The following DNMT3A variants were observed in gnomAD, a reference collection of about 807,000 sequenced individuals.
DNMT3A encodes the protein DNA (cytosine-5)-methyltransferase 3A.
A neutral mutation model predicts 117.6 loss-of-function variants in DNMT3A; 267 were observed. The observed-to-expected ratio is 2.27, with a 90% CI of 2.05 to 2.51. DNMT3A has a LOEUF of 2.51. DNMT3A is among the 30% of genes most tolerant of loss of function. The probability of loss-of-function intolerance (pLI) is 0.00; values close to 1 mark genes in which losing one functional copy is unlikely to be tolerated. For synonymous variants in DNMT3A, 432 were observed against 474.8 expected (o/e 0.91, Z 1.17); for missense variants, 1,029 against 1,260.2 (o/e 0.82, Z 2.78).
chr2:25,320,354 T>C (rs925545943), intron 1 of DNMT3A, among the ~76,000 whole-genome samples: 12 of 152,196 alleles, frequency 7.9e-5, no homozygotes, highest in African/African-American at 2.9e-4. Context: ...CTGATGGCTA[T>C]TGGAAAGTGT....
Position 25,234,536 on chromosome 2 carries a change from CA to C in DNMT3A, c.2598-117del. The C allele has an allele frequency of 8.1e-7, 1 of 1,229,154 alleles. No homozygotes were observed. Among genetic ancestry groups the C allele is most frequent in the Non-Finnish European group, 1.1e-6 (1 of 903,814 alleles). The allele number at this position is 1,229,154 out of a possible 1,614,324, so 76.1% of individuals were successfully genotyped here. On this transcript the variant is annotated intron_variant, in intron 22 of 22. Transcript: ENST00000321117. This position sits in a 1 kb window ranked among gnomAD's most constrained non-coding sequence, Gnocchi z 4.5. ...CCAGCAGCCACCCGAAGTGCAGGGA[CA>C]GGGGCACTCACACCCACCAACTCCT...
rs565043571 is a variant in DNMT3A, at chr2:25,288,751, G to A, written c.178-6040C>T. Among the ~76,000 whole-genome samples the A allele has an allele frequency of 4.1e-4, 62 of 152,122 alleles. 1 individual carries two copies. Among genetic ancestry groups the A allele is most frequent in the Admixed American group, 3.8e-3 (58 of 15,280 alleles). ...CCATCCATCTCCAGAACTTTTCCAC[G>A]ATCCCAAACGGAAACTGTCTCCATT... is the stretch of plus-strand genomic sequence containing the variant. On this transcript the variant is annotated intron_variant, in intron 3 of 22. Transcript: ENST00000321117.
In DNMT3A at chr2:25,282,456, C is replaced by T. The variant is rs759826795; in HGVS notation, c.433G>A (p.Ala145Thr). 2 of 1,612,800 alleles carry T rather than the reference C, an allele frequency of 1.2e-6. No individual in the cohort carries two copies. Among genetic ancestry groups the T allele is most frequent in the Non-Finnish European group, 1.7e-6 (2 of 1,179,814 alleles). Residue 145 changes from alanine (A) to threonine (T), a missense_variant, in exon 4 of 23, where the codon GCC (alanine) becomes ACC (threonine). Ala to Thr is a moderately conservative substitution (Grantham distance 58). Coordinates refer to ENST00000321117, the MANE Select transcript of DNMT3A (RefSeq NM_022552.5). This position sits in a 1 kb window ranked among gnomAD's most constrained non-coding sequence, Gnocchi z 5.2. ...GCCTPKEGRGAPAEAGKEQKE... is the reference protein window; with the variant it reads ...GCCTPKEGRGTPAEAGKEQKE... Reference sequence around the variant, plus strand: ...GAGGACTCACCCGCTTCTGCAGGGGCTCCTCGGCCCTCCTTGGGGGTGCAG... The same window carrying T: ...GAGGACTCACCCGCTTCTGCAGGGGTTCCTCGGCCCTCCTTGGGGGTGCAG...
intron 6 of DNMT3A, among the ~76,000 whole-genome samples, chr2:25,249,390 T>C (rs1477480096): frequency 1.3e-5 from 2 of 152,182 alleles, no homozygotes; most frequent in South Asian, 4.1e-4. Flanking sequence ...CCCCAGCACA[T>C]GCTCAAACAC....
chr2:25,331,655 C>T (rs950262867), intron 1 of DNMT3A, among the ~76,000 whole-genome samples: 29 of 152,184 alleles, frequency 1.9e-4, no homozygotes, highest in Non-Finnish European at 3.5e-4. Flanking sequence ...TGCAAGGGTG[C>T]GAGCACCTTC....
At chr2:25,335,120 T>G (rs2149450773) in intron 1 of DNMT3A, among the ~76,000 whole-genome samples, 1 of 152,354 alleles carries the variant, frequency 6.6e-6, no homozygotes, top group East Asian at 1.9e-4. Context: ...TTCACAAAAC[T>G]GAGATTACAC....
At position 25,330,931 on chromosome 2, in the gene DNMT3A, T is replaced by C. The variant is rs901173101; in HGVS notation, c.-178+10895A>G. On this transcript the variant is annotated intron_variant, in intron 1 of 22. Transcript: ENST00000321117. ...AAGAGAGTCAATAGAACATGACGAATGGACCTTCCCAGGAAGGGGGAACTC... is the reference window on the plus strand; with the variant it reads ...AAGAGAGTCAATAGAACATGACGAACGGACCTTCCCAGGAAGGGGGAACTC... Among the ~76,000 whole-genome samples, 8 of 152,240 alleles carry C rather than the reference T, an allele frequency of 5.3e-5. No homozygotes were observed. The East Asian group carries it at 1.5e-3, about 29-fold the overall frequency.
intron 1 of DNMT3A, among the ~76,000 whole-genome samples, chr2:25,325,748 G>A (rs771200550): frequency 1.3e-5 from 2 of 152,162 alleles, no homozygotes; most frequent in East Asian, 1.9e-4. Context: ...TAGTTACCAA[G>A]GAGAAAACTG....
chr2:25,313,386 C>T (rs1399164975), intron 2 of DNMT3A, among the ~76,000 whole-genome samples: 6 of 152,146 alleles, frequency 3.9e-5, no homozygotes, highest in African/African-American at 1.4e-4. Flanking sequence ...AAATCACCAT[C>T]TCCAAAGTGT....
chr2:25,341,723 C>T (rs1398939235), intron 1 of DNMT3A, 103 bp downstream of exon 1: 17 of 839,442 alleles, frequency 2.0e-5, no homozygotes, highest in Non-Finnish European at 2.4e-5. Flanking sequence ...CGGGAGCGTG[C>T]CCCGAGCCGG....
chr2:25,297,875 T>C (rs374851389), intron 3 of DNMT3A, among the ~76,000 whole-genome samples: 159 of 152,326 alleles, frequency 1.0e-3, no homozygotes, highest in Admixed American at 2.0e-3. Flanking sequence ...GGGCAGGTTT[T>C]ACTGGCAGCC....
chr2:25,329,013 C>G (rs2034905649), intron 1 of DNMT3A, among the ~76,000 whole-genome samples: 1 of 152,192 alleles, frequency 6.6e-6, no homozygotes, highest in African/African-American at 2.4e-5. Flanking sequence ...CCAGGAGGTC[C>G]CCCAAAGGGT....
intron 4 of DNMT3A, among the ~76,000 whole-genome samples, chr2:25,279,685 T>G (rs867311311): frequency 1.9e-4 from 29 of 151,986 alleles, no homozygotes; most frequent in South Asian, 4.2e-4. Flanking sequence ...AAAGTTTGTT[T>G]TTTTTTTTTG....
chr2:25,325,140 CG>C (rs796466671), intron 1 of DNMT3A, among the ~76,000 whole-genome samples: 39 of 150,446 alleles, frequency 2.6e-4, no homozygotes, highest in Middle Eastern at 3.5e-3. Flanking sequence ...CAAAAGTGAG[CG>C]GGGGGGGGAT....
In DNMT3A at chr2:25,305,955, G is replaced by T. The variant is rs1016972479; in HGVS notation, c.73-5712C>A. 1.3e-5 allele frequency among the ~76,000 whole-genome samples: 2 copies of T among 152,222 alleles called. No individual in the cohort carries two copies. Among genetic ancestry groups the T allele is most frequent in the Admixed American group, 1.3e-4 (2 of 15,286 alleles). On this transcript the variant is annotated intron_variant, in intron 2 of 22. Coordinates refer to ENST00000321117, the MANE Select transcript of DNMT3A (RefSeq NM_022552.5). The surrounding 1 kb of genome is among the most constrained non-coding windows in gnomAD (Gnocchi z 4.1). ...GATGTCTCGAGTTGGTGCTTGAGTC[G>T]AGGGGATGAACTTGCCGGATCTAGC...
Position 25,235,835 on chromosome 2 carries a change from G to A in DNMT3A, c.2479-10C>T, listed in dbSNP as rs1333028940. On this transcript the variant is annotated splice_polypyrimidine_tract_variant and intron_variant, in intron 21 of 22. Transcript: ENST00000321117. ...TCCTCACTTTGCTGAACTAGATGAA[G>A]AGGAGAAAAGAGGAATAAGCACGAA... 3.1e-6 allele frequency: 5 copies of A among 1,604,750 alleles called. No individual in the cohort carries two copies. In the African/African-American group the frequency reaches 4.0e-5, roughly 13 times the overall value.
At position 25,236,067 on chromosome 2, in the gene DNMT3A, CTT is replaced by C. The variant is rs1365266786; in HGVS notation, c.2479-244_2479-243del. Among the ~76,000 whole-genome samples the C allele has an allele frequency of 1.1e-4, 15 of 142,120 alleles. No individual in the cohort carries two copies. The highest frequency in any genetic ancestry group is 2.0e-4 in the East Asian group (1 of 4,946). The allele number at this position is 142,120 out of a possible 152,430, so 93.2% of individuals were successfully genotyped here. ...AATCTTAGATCCATCTAGCCACAGA[CTT>C]TTTTTTTTTTTTTTGAGACGGAGTC... On this transcript the variant is annotated intron_variant, in intron 21 of 22. Coordinates refer to ENST00000321117, the MANE Select transcript of DNMT3A (RefSeq NM_022552.5). This position sits in a 1 kb window ranked among gnomAD's most constrained non-coding sequence, Gnocchi z 4.5.
At chr2:25,340,352 GAA>G (rs984037882) in intron 1 of DNMT3A, among the ~76,000 whole-genome samples, 1 of 152,198 alleles carries the variant, frequency 6.6e-6, no homozygotes, top group Non-Finnish European at 1.5e-5. Flanking sequence ...GAGAGGGGGA[GAA>G]ATGGCAGAGG....
chr2:25,284,876 G>GT (rs1347655333), intron 3 of DNMT3A, among the ~76,000 whole-genome samples: 5 of 151,784 alleles, frequency 3.3e-5, no homozygotes, highest in Non-Finnish European at 7.4e-5. Flanking sequence ...ATCCAGAAAT[G>GT]TTTTTTTCCA....
Sources: allele counts gnomAD v4.1 joint callset (sites outside exome capture counted in the v4.1 genomes callset), GRCh38; gene constraint gnomAD v4.1.1; non-coding constraint Gnocchi (gnomAD v3.1); transcripts MANE v1.5; gene names NCBI Gene and HGNC (gene_info 2026-07-23, HGNC 2026-07-21).